TRIM44: variants seen among roughly 807,000 people sequenced by gnomAD.
TRIM44 encodes tripartite motif-containing protein 44.
A neutral mutation model predicts 37.4 loss-of-function variants in TRIM44; 13 were observed. That is an observed-to-expected ratio of 0.35 (90% confidence interval 0.23 to 0.55). The LOEUF (loss-of-function observed/expected upper bound fraction) is 0.55. TRIM44 is among the 20% of genes least tolerant of loss of function. TRIM44 has a pLI of 0.89. For missense variants in TRIM44, 426 were observed against 437.2 expected, an observed-to-expected ratio of 0.97 and a Z score of 0.23; for synonymous variants, 175 against 157.2, an observed-to-expected ratio of 1.11 and a Z score of -0.85.
chr11:35,722,811 T>C (rs1352204266), intron 2 of TRIM44, among the ~76,000 whole-genome samples: 2 of 152,168 alleles, frequency 1.3e-5, no homozygotes, highest in South Asian at 2.1e-4. Flanking sequence ...CTCAGTCTTA[T>C]TTTACCCAGC....
intron 3 of TRIM44, 92 bp from the exon 4 acceptor site, chr11:35,735,334 C>T (rs951596031): frequency 1.1e-5 from 14 of 1,235,806 alleles, no homozygotes; most frequent in Non-Finnish European, 1.7e-5. Flanking sequence ...TCCATGCATT[C>T]AGGTTGGGAG....
At chr11:35,733,294 G>A (rs1022634686) in intron 3 of TRIM44, among the ~76,000 whole-genome samples, 7 of 152,130 alleles carry the variant, frequency 4.6e-5, no homozygotes, top group African/African-American at 1.7e-4. Flanking sequence ...ACCAAGGTAT[G>A]TGATTTTGAG....
chr11:35,718,788 A>G (rs1187107925), intron 2 of TRIM44, among the ~76,000 whole-genome samples: 1 of 152,002 alleles, frequency 6.6e-6, no homozygotes, highest in African/African-American at 2.4e-5. Context: ...CCTTTCCTAT[A>G]ATGACATGTA....
chr11:35,699,708 C>A (rs527594906), intron 2 of TRIM44, among the ~76,000 whole-genome samples: 1 of 151,054 alleles, frequency 6.6e-6, no homozygotes, highest in Non-Finnish European at 1.5e-5. Flanking sequence ...AAAATGCCGT[C>A]GTCTCAGCCC....
In TRIM44 at chr11:35,806,224, A is replaced by G. The variant is rs991223755; in HGVS notation, c.1008-134A>G. The G allele has an allele frequency of 4.3e-5, 39 of 900,550 alleles. 1 individual carries two copies. Among genetic ancestry groups the G allele is most frequent in the Admixed American group, 1.1e-4 (5 of 46,374 alleles). 55.8% of individuals were successfully genotyped at this position (900,550 alleles called of 1,614,324 possible). A position where few individuals can be genotyped will look rare whatever the true frequency, so the allele number is the denominator to read the frequency against. ...GAAACGAAGTAACTTGCCTTTGGCCATATTGCTCAATCATGGTAGTTAAGA... is the reference window on the plus strand; with the variant it reads ...GAAACGAAGTAACTTGCCTTTGGCCGTATTGCTCAATCATGGTAGTTAAGA... On this transcript the variant is annotated intron_variant, in intron 4 of 4. Transcript: ENST00000299413.
chr11:35,692,399 A>G (rs191405734), intron 2 of TRIM44, among the ~76,000 whole-genome samples: 45 of 152,190 alleles, frequency 3.0e-4, no homozygotes, highest in Non-Finnish European at 5.1e-4. Context: ...AAATGGTATT[A>G]TAGATTGAGT....
chr11:35,663,060 G>T lies in TRIM44; in HGVS notation c.-52G>T. 1 of 1,469,692 alleles carries T rather than the reference G, an allele frequency of 6.8e-7. No individual in the cohort carries two copies. 91.0% of individuals were successfully genotyped at this position (1,469,692 alleles called of 1,614,324 possible). On this transcript the variant is annotated 5_prime_UTR_variant, in exon 1 of 5. Transcript: ENST00000299413. ...AGGAGGAAGTGAGGCCGCGCGGAAG[G>T]AAGGCGGCGAGCCCCGGGGCCCCGA...
chr11:35,782,409 A>G (rs1853078273), intron 4 of TRIM44, among the ~76,000 whole-genome samples: 2 of 152,142 alleles, frequency 1.3e-5, no homozygotes. Flanking sequence ...TGTTTTGAGG[A>G]ACAGAAAACT....
At chr11:35,718,356 G>A (rs191812959) in intron 2 of TRIM44, among the ~76,000 whole-genome samples, 4 of 152,234 alleles carry the variant, frequency 2.6e-5, no homozygotes, top group Admixed American at 2.0e-4. Context: ...TTAGGTTGGT[G>A]TAAAAGTAAT....
At chr11:35,779,955 A>G (rs774705901) in intron 4 of TRIM44, among the ~76,000 whole-genome samples, 2 of 146,106 alleles carry the variant, frequency 1.4e-5, no homozygotes, top group Non-Finnish European at 3.0e-5. Flanking sequence ...ATTCTGTTCC[A>G]TTGATCGGTA....
At chr11:35,665,399 T>A (rs770887949) in intron 1 of TRIM44, among the ~76,000 whole-genome samples, 5 of 152,120 alleles carry the variant, frequency 3.3e-5, no homozygotes, top group Non-Finnish European at 5.9e-5. Flanking sequence ...TTGCTATTAC[T>A]GTATTTTTCA....
chr11:35,789,150 T>C (rs1004295668), intron 4 of TRIM44, among the ~76,000 whole-genome samples: 2 of 152,220 alleles, frequency 1.3e-5, no homozygotes, highest in East Asian at 3.8e-4. Context: ...TCTGCTGGGC[T>C]GAGTGAAGAT....
chr11:35,803,535 A>G (rs1853398378), intron 4 of TRIM44, among the ~76,000 whole-genome samples: 1 of 152,146 alleles, frequency 6.6e-6, no homozygotes, highest in African/African-American at 2.4e-5. Flanking sequence ...TTCAAGGCCA[A>G]CGTGGTGAAA....
chr11:35,677,169 G>C (rs1020141273), intron 1 of TRIM44, among the ~76,000 whole-genome samples: 2 of 152,130 alleles, frequency 1.3e-5, no homozygotes, highest in Non-Finnish European at 2.9e-5. Context: ...GCTAGCAAGC[G>C]TAAGGACTGG....
chr11:35,772,311 C>G (rs1329129172), intron 4 of TRIM44, among the ~76,000 whole-genome samples: 2 of 152,174 alleles, frequency 1.3e-5, no homozygotes, highest in African/African-American at 2.4e-5. Flanking sequence ...GGGTTGGAGC[C>G]CCTACACAGA....
At chr11:35,775,289 G>A (rs1261484077) in intron 4 of TRIM44, among the ~76,000 whole-genome samples, 6 of 152,044 alleles carry the variant, frequency 3.9e-5, no homozygotes, top group South Asian at 2.1e-4. Flanking sequence ...TTGGTGTATA[G>A]GGATGCTTGT....
intron 4 of TRIM44, among the ~76,000 whole-genome samples, chr11:35,753,655 C>T (rs149328131): frequency 1.2e-4 from 18 of 152,184 alleles, no homozygotes; most frequent in African/African-American, 3.4e-4. Flanking sequence ...CTTAAGTAAA[C>T]GAGTAACACT....
intron 2 of TRIM44, among the ~76,000 whole-genome samples, chr11:35,708,655 G>A (rs897774553): frequency 3.3e-5 from 5 of 150,660 alleles, no homozygotes; most frequent in Non-Finnish European, 7.4e-5. Flanking sequence ...GTAAACTATC[G>A]TAAGAACAAA....
At chr11:35,740,096 T>TAAAA (rs1258985035) in intron 4 of TRIM44, among the ~76,000 whole-genome samples, 1 of 64,546 alleles carries the variant, frequency 1.5e-5, no homozygotes, top group Non-Finnish European at 2.7e-5. Flanking sequence ...AGACTCTGTC[T>TAAAA]AAAAAAAAAA....
Sources: allele counts gnomAD v4.1 joint callset (sites outside exome capture counted in the v4.1 genomes callset), GRCh38; gene constraint gnomAD v4.1.1; transcripts MANE v1.5; gene names NCBI Gene and HGNC (gene_info 2026-07-23, HGNC 2026-07-21).